Variants in CYP39A1 observed in about 807,000 individuals in gnomAD.
The protein encoded by CYP39A1 is 24-hydroxycholesterol 7-alpha-hydroxylase.
CYP39A1 carries 49 observed loss-of-function variants against 58.1 expected under a neutral mutation model. That is an observed-to-expected ratio of 0.84 (90% CI 0.67 to 1.07). CYP39A1 has a LOEUF of 1.07. CYP39A1 is among the 50% of genes least tolerant of loss of function. The probability of loss-of-function intolerance (pLI) is 0.00; values close to 1 mark genes in which losing one functional copy is unlikely to be tolerated. For synonymous variants in CYP39A1, 209 were observed against 187.6 expected, an observed-to-expected ratio of 1.11 and a Z score of -0.93; for missense variants, 531 against 539.4, an observed-to-expected ratio of 0.98 and a Z score of 0.16.
chr6:46,556,947 A>G (rs967668237), intron 10 of CYP39A1, among the ~76,000 whole-genome samples: 1 of 152,118 alleles, frequency 6.6e-6, no homozygotes, highest in Non-Finnish European at 1.5e-5. Flanking sequence ...AATAGTTATT[A>G]TACTCCACAG....
intron 10 of CYP39A1, chr6:46,583,675 C>T (rs982419692): frequency 2.0e-5 from 16 of 792,180 alleles, no homozygotes; most frequent in African/African-American, 1.3e-4. Flanking sequence ...GGAAGTGCCT[C>T]GCAGTGGGAT....
chr6:46,604,961 G>A (rs535102858), intron 7 of CYP39A1, among the ~76,000 whole-genome samples: 9 of 151,284 alleles, frequency 5.9e-5, no homozygotes, highest in African/African-American at 1.9e-4. Context: ...GAATTGCATT[G>A]GGCTACATAT....
intron 2 of CYP39A1, among the ~76,000 whole-genome samples, chr6:46,641,939 T>G (rs73471140): frequency 6.6e-6 from 1 of 152,204 alleles, no homozygotes; most frequent in Non-Finnish European, 1.5e-5. Context: ...CTTATCACTT[T>G]CACGTGTCTA....
At chr6:46,590,962 C>T (rs1251258945) in intron 8 of CYP39A1, among the ~76,000 whole-genome samples, 1 of 152,092 alleles carries the variant, frequency 6.6e-6, no homozygotes, top group Non-Finnish European at 1.5e-5. Context: ...AATAGTGCCA[C>T]CATAAGCACT....
At chr6:46,590,959 C>T (rs973424497) in intron 8 of CYP39A1, among the ~76,000 whole-genome samples, 2 of 152,084 alleles carry the variant, frequency 1.3e-5, no homozygotes, top group African/African-American at 4.8e-5. Flanking sequence ...GTAAATAGTG[C>T]CACCATAAGC....
At chr6:46,556,453 G>C (rs1770668855) in intron 10 of CYP39A1, among the ~76,000 whole-genome samples, 1 of 152,114 alleles carries the variant, frequency 6.6e-6, no homozygotes, top group African/African-American at 2.4e-5. Flanking sequence ...TTGAGTATTT[G>C]GCAGAGTACT....
chr6:46,617,040 G>A (rs867355011), intron 7 of CYP39A1, among the ~76,000 whole-genome samples: 1 of 152,100 alleles, frequency 6.6e-6, no homozygotes, highest in Admixed American at 6.6e-5. Context: ...GAAGGTATAG[G>A]TATGCAACAA....
intron 7 of CYP39A1, among the ~76,000 whole-genome samples, chr6:46,597,994 TAACAAAGATTGGAA>T (rs1773270798): frequency 6.6e-6 from 1 of 152,178 alleles, no homozygotes; most frequent in African/African-American, 2.4e-5. Context: ...TCCTTTTCCG[TAACAAAGATTGGAA>T]AACAATAAGT....
chr6:46,595,464 T>C (rs189930474), intron 8 of CYP39A1, among the ~76,000 whole-genome samples: 1 of 152,102 alleles, frequency 6.6e-6, no homozygotes, highest in East Asian at 1.9e-4. Context: ...AAACATTTTG[T>C]TAAGTGAAAC....
chr6:46,557,674 C>T (rs1172495996), intron 10 of CYP39A1, among the ~76,000 whole-genome samples: 1 of 149,814 alleles, frequency 6.7e-6, no homozygotes, highest in African/African-American at 2.5e-5. Flanking sequence ...CACAGTGGCT[C>T]ACACTTGTAA....
At chr6:46,602,538 C>T (rs564720170) in intron 7 of CYP39A1, among the ~76,000 whole-genome samples, 23 of 151,616 alleles carry the variant, frequency 1.5e-4, no homozygotes, top group African/African-American at 5.1e-4. Flanking sequence ...CTGGACTGGG[C>T]GTGGTAGCTC....
At chr6:46,625,295 C>T (rs1225263481) in intron 7 of CYP39A1, 123 bp downstream of exon 7, 3 of 644,444 alleles carry the variant, frequency 4.7e-6, no homozygotes, top group Non-Finnish European at 7.5e-6. Flanking sequence ...TGATATATAA[C>T]AAATTATGTT....
At chr6:46,641,125 A>G (rs953693849) in intron 2 of CYP39A1, among the ~76,000 whole-genome samples, 2 of 152,086 alleles carry the variant, frequency 1.3e-5, no homozygotes, top group Non-Finnish European at 2.9e-5. Flanking sequence ...AAATATTTAA[A>G]CATGAAAGTC....
chr6:46,572,854 A>AT (rs1771662761), intron 10 of CYP39A1, among the ~76,000 whole-genome samples: 1 of 151,352 alleles, frequency 6.6e-6, no homozygotes, highest in Non-Finnish European at 1.5e-5. Flanking sequence ...ACTCTTTTCA[A>AT]TTTTTTTCTC....
chr6:46,587,205 T>A (rs1561968187), intron 9 of CYP39A1, 40 bp from the exon 10 acceptor site: 2 of 1,294,784 alleles, frequency 1.5e-6, no homozygotes, highest in South Asian at 2.5e-5. Context: ...ATCAGCCTTA[T>A]ATAAATAAGC....
At chr6:46,619,421 G>A (rs1385598685) in intron 7 of CYP39A1, among the ~76,000 whole-genome samples, 5 of 152,132 alleles carry the variant, frequency 3.3e-5, no homozygotes, top group East Asian at 3.9e-4. Context: ...TTTTGGTGGG[G>A]TAAATACATA....
intron 2 of CYP39A1, among the ~76,000 whole-genome samples, chr6:46,640,649 A>G (rs879459903): frequency 5.3e-5 from 8 of 152,002 alleles, no homozygotes; most frequent in Non-Finnish European, 1.0e-4. Context: ...CAAAGGGTAC[A>G]TGTGCAGGTT....
rs146032242 is a variant in CYP39A1, at chr6:46,634,075, C to T, written c.732+2314G>A. Among the ~76,000 whole-genome samples, 429 of 152,344 alleles carry T rather than the reference C, an allele frequency of 2.8e-3. 1 individual carries two copies. The highest frequency in any genetic ancestry group is 6.7e-3 in the Admixed American group (102 of 15,306). On this transcript the variant is annotated intron_variant, in intron 5 of 11. Transcript: ENST00000275016. ...TTCAAATAATGATATGGTTTGGCTA[C>T]GAAGCCACCAAAATCTCATCTTGAA...
At chr6:46,646,393 T>C (rs1762327805) in intron 1 of CYP39A1, among the ~76,000 whole-genome samples, 1 of 152,132 alleles carries the variant, frequency 6.6e-6, no homozygotes, top group Admixed American at 6.5e-5. Flanking sequence ...CTTCTTTAGC[T>C]TGTTAATACA....
Sources: gnomAD v4.1 joint callset for allele counts (sites outside exome capture counted in the v4.1 genomes callset) on GRCh38, gnomAD v4.1.1 for gene constraint, MANE v1.5 for transcripts, NCBI Gene and HGNC (gene_info 2026-07-23, HGNC 2026-07-21) for gene names.